The following NCKAP1 variants were observed in gnomAD, a reference collection of about 807,000 sequenced individuals.
NCKAP1 encodes the protein NCK associated protein 1, also known as nck-associated protein 1.
Under a neutral mutation model 151.2 loss-of-function variants are expected in NCKAP1, and 21 were observed. The observed-to-expected ratio is 0.14, with a 90% CI of 0.10 to 0.20. The LOEUF (loss-of-function observed/expected upper bound fraction) is 0.20, where lower values mean the gene tolerates loss of function less well. NCKAP1 is among the 10% of genes least tolerant of loss of function. The pLI is 1.00. For missense variants in NCKAP1, 933 were observed against 1,352.1 expected, an observed-to-expected ratio of 0.69 and a Z score of 4.86; for synonymous variants, 484 against 451.8, an observed-to-expected ratio of 1.07 and a Z score of -0.90.
intron 2 of NCKAP1, among the ~76,000 whole-genome samples, chr2:183,008,936 A>G (rs1698533719): frequency 6.6e-6 from 1 of 152,218 alleles, no homozygotes; most frequent in African/African-American, 2.4e-5. Context: ...AACACAAAGA[A>G]TAGTCATGTT....
chr2:182,960,394 A>G lies in NCKAP1; in HGVS notation c.1881+1765T>C, dbSNP rs1052506839. Among the ~76,000 whole-genome samples, 31 of 152,348 alleles carry G rather than the reference A, an allele frequency of 2.0e-4. 1 individual carries two copies. Among genetic ancestry groups the G allele is most frequent in the African/African-American group, 7.2e-4 (30 of 41,586 alleles). On this transcript the variant is annotated intron_variant, in intron 18 of 30. Coordinates refer to ENST00000361354, the MANE Select transcript of NCKAP1 (RefSeq NM_013436.5). ...GGTACCAAAACAGAGATATAGACCA[A>G]TGGAACAGAACAAAGCCCTCAGAAA...
At chr2:182,941,904 C>T (rs988498229) in intron 24 of NCKAP1, among the ~76,000 whole-genome samples, 166 bp downstream of exon 24, 6 of 152,106 alleles carry the variant, frequency 3.9e-5, no homozygotes, top group Non-Finnish European at 8.8e-5. Flanking sequence ...GCCACACACA[C>T]ACTTATATGA....
chr2:182,983,830 C>T (rs565203760), intron 10 of NCKAP1, among the ~76,000 whole-genome samples: 1 of 152,166 alleles, frequency 6.6e-6, no homozygotes, highest in Admixed American at 6.5e-5. Flanking sequence ...CTCAGGAGTT[C>T]GAGACCAGCC....
intron 1 of NCKAP1, among the ~76,000 whole-genome samples, chr2:183,026,241 C>T (rs1013545204): frequency 6.6e-6 from 1 of 152,052 alleles, no homozygotes; most frequent in Non-Finnish European, 1.5e-5. Context: ...CCAGCCTGGA[C>T]AACATAGCAT....
intron 17 of NCKAP1, among the ~76,000 whole-genome samples, chr2:182,964,264 A>G (rs1323088859): frequency 2.0e-5 from 3 of 152,178 alleles, no homozygotes; most frequent in Non-Finnish European, 4.4e-5. Context: ...ATATTTATTA[A>G]CAATTTAGTA....
At chr2:182,943,524 C>T (rs1697039007) in intron 23 of NCKAP1, among the ~76,000 whole-genome samples, 1 of 152,072 alleles carries the variant, frequency 6.6e-6, no homozygotes, top group African/African-American at 2.4e-5. Flanking sequence ...GGATTCAATA[C>T]ACACTCAAAC....
At position 182,952,449 on chromosome 2, in the gene NCKAP1, C is replaced by T; in HGVS notation, c.2557G>A (p.Glu853Lys). ...GATGAAATATGCCACATAAGGCTTT[C>T]ACTTAGAAACTTCATACCATATGGG... is the stretch of plus-strand genomic sequence containing the variant. ...LGPYGMKFLS[E>K]SLMWHISSQV... The change falls in exon 23 of 31, where the codon GAA becomes AAA. Residue 853 changes from glutamate (E) to lysine (K), a missense_variant. Physicochemically the swap from Glu to Lys is moderately conservative, Grantham distance 56 (BLOSUM62 1). Coordinates refer to ENST00000361354, the MANE Select transcript of NCKAP1 (RefSeq NM_013436.5). 1 of 1,611,416 alleles carries T rather than the reference C, an allele frequency of 6.2e-7. No homozygotes were observed. Among genetic ancestry groups the T allele is most frequent in the Non-Finnish European group, 8.5e-7 (1 of 1,178,812 alleles).
intron 6 of NCKAP1, 147 bp downstream of exon 6, chr2:183,001,806 G>A: frequency 1.5e-6 from 1 of 651,960 alleles, no homozygotes; most frequent in Non-Finnish European, 2.7e-6. Flanking sequence ...TTAGTTCCCT[G>A]TCTATAATTA....
At position 182,928,763 on chromosome 2, in the gene NCKAP1, C is replaced by A; in HGVS notation, c.3070+20G>T. Reference sequence around the variant, plus strand: ...ACCCATGATTTATTCATCGCCAAAACAATTTTAAACCACTATTACCTTCTA... The same window carrying A: ...ACCCATGATTTATTCATCGCCAAAAAAATTTTAAACCACTATTACCTTCTA... On this transcript the variant is annotated intron_variant, in intron 28 of 30. Transcript: ENST00000361354. 6.7e-7 allele frequency: 1 copy of A among 1,491,546 alleles called. No individual in the cohort carries two copies. The highest frequency in any genetic ancestry group is 9.1e-7 in the Non-Finnish European group (1 of 1,093,380). The allele number at this position is 1,491,546 out of a possible 1,614,324, so 92.4% of individuals were successfully genotyped here. A position where few individuals can be genotyped will look rare whatever the true frequency, so the allele number is the denominator to read the frequency against.
chr2:182,930,640 A>T, intron 27 of NCKAP1, 55 bp downstream of exon 27: 1 of 1,369,648 alleles, frequency 7.3e-7, no homozygotes, highest in South Asian at 1.2e-5. Flanking sequence ...ACCTATACCT[A>T]TGCTGCCCTG....
intron 23 of NCKAP1, among the ~76,000 whole-genome samples, chr2:182,950,425 GA>G (rs899939685): frequency 5.3e-5 from 8 of 151,564 alleles, no homozygotes; most frequent in South Asian, 4.2e-4. Flanking sequence ...AGGAACACAA[GA>G]AAAAAAATTG....
At chr2:183,031,568 T>C (rs1699004462) in intron 1 of NCKAP1, among the ~76,000 whole-genome samples, 1 of 151,600 alleles carries the variant, frequency 6.6e-6, no homozygotes, top group South Asian at 2.1e-4. Flanking sequence ...CTTAATTTAA[T>C]CTGGGGGTGG....
At chr2:183,009,293 T>C (rs909267434) in intron 2 of NCKAP1, among the ~76,000 whole-genome samples, 2 of 149,236 alleles carry the variant, frequency 1.3e-5, no homozygotes, top group African/African-American at 5.0e-5. Context: ...GAGAATCACT[T>C]GAACCTGGGA....
chr2:183,016,442 G>C (rs1423382964), intron 2 of NCKAP1, among the ~76,000 whole-genome samples: 1 of 152,196 alleles, frequency 6.6e-6, no homozygotes, highest in Non-Finnish European at 1.5e-5. Context: ...CAATACTGAT[G>C]ATATCTTTTT....
chr2:183,026,950 C>T (rs922068895), intron 1 of NCKAP1, among the ~76,000 whole-genome samples: 2 of 152,078 alleles, frequency 1.3e-5, no homozygotes, highest in Admixed American at 6.6e-5. Context: ...TATATATATA[C>T]AACTAGCAAG....
intron 15 of NCKAP1, among the ~76,000 whole-genome samples, chr2:182,974,406 A>C (rs1697763591): frequency 6.6e-6 from 1 of 152,180 alleles, no homozygotes; most frequent in Non-Finnish European, 1.5e-5. Flanking sequence ...CCAGTACCTC[A>C]GAATGTGACC....
Position 182,912,049 on chromosome 2 carries a change from T to C in NCKAP1, c.*13653A>G, listed in dbSNP as rs969840981. On this transcript the variant is annotated 3_prime_UTR_variant, in exon 31 of 31. Transcript: ENST00000361354. ...AAGCTTATGTCCAGCTGAGTAGTTA[T>C]ATCAATCACATCATGAAAAATTCCT... 8.5e-5 allele frequency: 13 copies of C among 152,230 alleles called. No homozygotes were observed. Among genetic ancestry groups the C allele is most frequent in the South Asian group, 2.1e-4 (1 of 4,834 alleles). 9.4% of individuals were successfully genotyped at this position (152,230 alleles called of 1,614,324 possible).
intron 23 of NCKAP1, among the ~76,000 whole-genome samples, chr2:182,950,528 T>C (rs1424928539): frequency 1.3e-5 from 2 of 152,166 alleles, no homozygotes; most frequent in Admixed American, 1.3e-4. Context: ...ATGATACTGC[T>C]TGTAAAGAAC....
intron 19 of NCKAP1, chr2:182,956,909 A>C (rs1266915949): frequency 5.1e-6 from 1 of 195,918 alleles, no homozygotes; most frequent in Non-Finnish European, 1.0e-5. Flanking sequence ...TGAGAGAAGG[A>C]AAGTTGTCTA....
Sources: gnomAD v4.1 joint callset for allele counts (sites outside exome capture counted in the v4.1 genomes callset) on GRCh38, gnomAD v4.1.1 for gene constraint, MANE v1.5 for transcripts, NCBI Gene and HGNC (gene_info 2026-07-23, HGNC 2026-07-21) for gene names.